The following PCDH11X variants were observed in gnomAD, a reference collection of about 807,000 sequenced individuals.
PCDH11X encodes the protein protocadherin 11 X-linked.
In PCDH11X, 18 loss-of-function variants were observed where a neutral mutation model predicts 53.3. The ratio of observed to expected loss-of-function variants is 0.34; its 90% CI spans 0.23 to 0.50. The LOEUF (loss-of-function observed/expected upper bound fraction) is 0.50, where lower values mean the gene tolerates loss of function less well. Among genes scored for constraint, PCDH11X ranks in the 20% least tolerant of loss-of-function variants. PCDH11X has a pLI of 0.98. For synonymous variants in PCDH11X, 279 were observed against 393.3 expected, an observed-to-expected ratio of 0.71 and a Z score of 3.44; for missense variants, 570 against 1,032.4, an observed-to-expected ratio of 0.55 and a Z score of 6.14.
At chrX:92,293,037 C>T (rs1303570753) in intron 8 of PCDH11X, among the ~76,000 whole-genome samples, 3 of 104,329 alleles carry the variant, frequency 2.9e-5, no homozygotes, top group Non-Finnish European at 5.9e-5. Flanking sequence ...TATATGTGTG[C>T]ACATATGCAG....
At chrX:92,234,016 C>G (rs916251527) in intron 7 of PCDH11X, among the ~76,000 whole-genome samples, 1 of 111,584 alleles carries the variant, frequency 9.0e-6, no homozygotes, top group Non-Finnish European at 1.9e-5. Context: ...GCTTCTAAAC[C>G]TTGATGTTGA....
chrX:91,832,366 C>T (rs1337002399), intron 4 of PCDH11X, among the ~76,000 whole-genome samples: 1 of 108,637 alleles, frequency 9.2e-6, no homozygotes, highest in Non-Finnish European at 1.9e-5. Context: ...AGCTGGAAAC[C>T]ATCATTCTCA....
intron 9 of PCDH11X, among the ~76,000 whole-genome samples, chrX:92,430,845 A>G (rs1168664490): frequency 2.7e-5 from 3 of 109,399 alleles, no homozygotes; most frequent in East Asian, 5.8e-4. Flanking sequence ...GTTTGCAACC[A>G]TCTGTAATGC....
At chrX:91,912,911 G>A (rs192277841) in intron 6 of PCDH11X, among the ~76,000 whole-genome samples, 14 of 112,082 alleles carry the variant, frequency 1.2e-4, no homozygotes, top group African/African-American at 3.9e-4. Flanking sequence ...ACCTACCTTC[G>A]ATCACACATC....
intron 6 of PCDH11X, among the ~76,000 whole-genome samples, chrX:91,936,713 T>C (rs1048291842): frequency 4.7e-5 from 5 of 106,467 alleles, no homozygotes; most frequent in African/African-American, 1.7e-4. Flanking sequence ...AGTTTAGCTA[T>C]AGGCAAAATA....
intron 6 of PCDH11X, among the ~76,000 whole-genome samples, chrX:92,071,637 G>A (rs759823408): frequency 9.9e-5 from 11 of 110,729 alleles, no homozygotes; most frequent in Non-Finnish European, 1.5e-4. Context: ...AAGGGACCTG[G>A]GCTCCAAGTC....
chrX:91,974,970 T>G (rs1203160044), intron 6 of PCDH11X, among the ~76,000 whole-genome samples: 1 of 110,656 alleles, frequency 9.0e-6, no homozygotes, highest in South Asian at 3.8e-4. Flanking sequence ...CAGGCTGGTC[T>G]CTCACTCCTG....
At position 92,174,838 on chromosome X, in the gene PCDH11X, G is replaced by A. The variant is rs928951003; in HGVS notation, c.3034-26537G>A. Among the ~76,000 whole-genome samples the A allele has an allele frequency of 7.9e-4, 88 of 111,566 alleles. 2 individuals carry two copies. The highest frequency in any genetic ancestry group is 6.4e-3 in the Admixed American group (67 of 10,442). On this transcript the variant is annotated intron_variant, in intron 6 of 10. Transcript: ENST00000682573. ...GGCTCAACTATATTTTGTTCTATGA[G>A]GTATGCAAAATTATAACTTTATAGC...
At chrX:92,448,947 T>A (rs1371514748) in intron 9 of PCDH11X, among the ~76,000 whole-genome samples, 2 of 112,149 alleles carry the variant, frequency 1.8e-5, no homozygotes, top group African/African-American at 6.5e-5. Context: ...AGTAGCTCTG[T>A]TCTTTTGCAG....
At chrX:92,498,728 A>C (rs1249318996) in intron 10 of PCDH11X, among the ~76,000 whole-genome samples, 1 of 106,395 alleles carries the variant, frequency 9.4e-6, no homozygotes, top group Non-Finnish European at 1.9e-5. Flanking sequence ...AATATGTAGC[A>C]CTTAAAACTC....
At chrX:92,497,488 T>G in intron 10 of PCDH11X, among the ~76,000 whole-genome samples, 1 of 110,088 alleles carries the variant, frequency 9.1e-6, no homozygotes, top group Non-Finnish European at 1.9e-5. Context: ...TATTCAATAT[T>G]GTATTCCTCA....
chrX:92,266,360 T>C (rs1454510029), intron 8 of PCDH11X, among the ~76,000 whole-genome samples: 1 of 111,993 alleles, frequency 8.9e-6, no homozygotes, highest in Non-Finnish European at 1.9e-5. Context: ...ACACATTATC[T>C]TAGCTAAGAA....
chrX:91,807,829 T>C (rs1199458304), intron 1 of PCDH11X, among the ~76,000 whole-genome samples: 17 of 110,080 alleles, frequency 1.5e-4, no homozygotes, highest in Non-Finnish European at 2.7e-4. Flanking sequence ...TCAATAAAAT[T>C]TATGGAATTC....
At chrX:91,883,622 G>A (rs1940035661) in intron 6 of PCDH11X, 3 of 565,137 alleles carry the variant, frequency 5.3e-6, no homozygotes, top group Admixed American at 9.3e-5. Context: ...TGGCTAACAC[G>A]GTGAAACCCC....
Position 92,525,952 on chromosome X carries a change from C to T in PCDH11X, c.3367+57630C>T, listed in dbSNP as rs1465018761. The stretch of plus-strand genomic sequence containing the variant: ...GGTGACCTAAGAATGAATTGGGATA[C>T]AATACTAACAAATAGAATTCAGTAC... On this transcript the variant is annotated intron_variant, in intron 10 of 10. Coordinates refer to ENST00000682573, the MANE Select transcript of PCDH11X (RefSeq NM_032968.5). Among the ~76,000 whole-genome samples, 3 of 111,233 alleles carry T rather than the reference C, an allele frequency of 2.7e-5. No individual in the cohort carries two copies. The Admixed American group carries it at 2.9e-4, about 11-fold the overall frequency.
At chrX:92,301,523 C>G (rs1295725255) in intron 8 of PCDH11X, among the ~76,000 whole-genome samples, 4 of 110,826 alleles carry the variant, frequency 3.6e-5, no homozygotes, top group African/African-American at 1.3e-4. Context: ...GCTGCTACCT[C>G]AAGTGCCCAT....
At chrX:92,036,386 G>A (rs895373437) in intron 6 of PCDH11X, among the ~76,000 whole-genome samples, 8 of 108,190 alleles carry the variant, frequency 7.4e-5, no homozygotes, top group African/African-American at 2.0e-4. Flanking sequence ...GGAGGAACGC[G>A]GTGGGAGGTG....
intron 6 of PCDH11X, among the ~76,000 whole-genome samples, chrX:92,104,922 C>T (rs1297876264): frequency 9.1e-6 from 1 of 110,400 alleles, no homozygotes; most frequent in Non-Finnish European, 1.9e-5. Flanking sequence ...GCGGGACTTG[C>T]CACTAAGGGT....
intron 4 of PCDH11X, among the ~76,000 whole-genome samples, chrX:91,826,130 T>G (rs966234595): frequency 8.3e-4 from 92 of 111,478 alleles, no homozygotes; most frequent in Non-Finnish European, 1.4e-3. Context: ...ATATTTGGAG[T>G]TAAAATGTAT....
Sources: allele counts gnomAD v4.1 joint callset (sites outside exome capture counted in the v4.1 genomes callset), GRCh38; gene constraint gnomAD v4.1.1; transcripts MANE v1.5; gene names NCBI Gene and HGNC (gene_info 2026-07-23, HGNC 2026-07-21).